SLC22A2: variants seen among roughly 807,000 people sequenced by gnomAD.
The protein encoded by SLC22A2 is organic cation transporter 2.
SLC22A2 carries 46 observed loss-of-function variants against 60.5 expected under a neutral mutation model. The ratio of observed to expected loss-of-function variants is 0.76; its 90% CI spans 0.60 to 0.97. The LOEUF is 0.97. SLC22A2 is among the 50% of genes least tolerant of loss of function. SLC22A2 has a pLI of 0.00. For missense variants in SLC22A2, 701 were observed against 706.6 expected, an observed-to-expected ratio of 0.99 and a Z score of 0.09; for synonymous variants, 303 against 267.0, an observed-to-expected ratio of 1.13 and a Z score of -1.31.
intron 3 of SLC22A2, 96 bp from the exon 4 acceptor site, chr6:160,249,480 G>T: frequency 5.5e-6 from 5 of 905,400 alleles, no homozygotes; most frequent in Non-Finnish European, 5.3e-6. Context: ...CAAAAATATA[G>T]ACAAATTCTA....
At position 160,241,466 on chromosome 6, in the gene SLC22A2, T is replaced by C. The variant is rs889041097; in HGVS notation, c.1501+8A>G. On this transcript the variant is annotated splice_region_variant and intron_variant, in intron 9 of 10. Transcript: ENST00000366953. ...TTTCACTTAAAGACATCTGTGAAGA[T>C]TTCTTACCGAAAACCATCAGCGGGA... 1 of 1,589,216 alleles carries C rather than the reference T, an allele frequency of 6.3e-7. No homozygotes were observed. Among genetic ancestry groups the C allele is most frequent in the Non-Finnish European group, 8.6e-7 (1 of 1,157,510 alleles).
In SLC22A2 at chr6:160,228,234, G is replaced by C. The variant is rs76830081; in HGVS notation, c.1502-3430C>G. 3.3e-3 allele frequency among the ~76,000 whole-genome samples: 507 copies of C among 152,286 alleles called. 2 individuals carry two copies. The highest frequency in any genetic ancestry group is 0.01 in the African/African-American group (436 of 41,552). On this transcript the variant is annotated intron_variant, in intron 9 of 10. Coordinates refer to ENST00000366953, the MANE Select transcript of SLC22A2 (RefSeq NM_003058.4). ...ACATCTTTCTGGTGAACCCTGAAGG[G>C]AGGATACTGAGGAGACCTCCCCTCC... is the stretch of plus-strand genomic sequence containing the variant.
At chr6:160,225,578 T>A (rs1782709885) in intron 9 of SLC22A2, among the ~76,000 whole-genome samples, 1 of 152,148 alleles carries the variant, frequency 6.6e-6, no homozygotes, top group Non-Finnish European at 1.5e-5. Flanking sequence ...TCTGGCCCCT[T>A]ACATACTGGT....
chr6:160,244,981 C>T (rs1783066876), intron 6 of SLC22A2: 2 of 152,214 alleles, frequency 1.3e-5, no homozygotes, highest in African/African-American at 4.8e-5. Context: ...AAAAGGCAAT[C>T]CCCCCACAAC....
intron 7 of SLC22A2, 122 bp from the exon 8 acceptor site, chr6:160,242,524 ACTT>A (rs1286407398): frequency 3.0e-6 from 2 of 668,832 alleles, no homozygotes; most frequent in South Asian, 1.7e-5. Context: ...AAGAAAAATG[ACTT>A]CTTCTATAGG....
chr6:160,249,969 A>G (rs776835158), intron 3 of SLC22A2, among the ~76,000 whole-genome samples: 83 of 152,328 alleles, frequency 5.4e-4, no homozygotes, highest in Admixed American at 3.9e-4. Context: ...ATATTGCTAT[A>G]AAGATGCTAT....
At chr6:160,250,924 C>T (rs1406091444) in intron 2 of SLC22A2, among the ~76,000 whole-genome samples, 1 of 152,148 alleles carries the variant, frequency 6.6e-6, no homozygotes, top group Non-Finnish European at 1.5e-5. Flanking sequence ...GCATGATAAG[C>T]CCCATTCACC....
intron 10 of SLC22A2, among the ~76,000 whole-genome samples, chr6:160,220,007 A>T (rs1460214851): frequency 1.3e-5 from 2 of 152,166 alleles, no homozygotes; most frequent in Non-Finnish European, 2.9e-5. Flanking sequence ...GGCTGTTGAA[A>T]CTTCTTAAAA....
intron 10 of SLC22A2, among the ~76,000 whole-genome samples, chr6:160,221,481 T>C (rs1782643491): frequency 6.6e-6 from 1 of 152,212 alleles, no homozygotes; most frequent in South Asian, 2.1e-4. Context: ...TCAAGAACTT[T>C]TCCTGTGCAT....
chr6:160,235,748 A>G lies in SLC22A2; in HGVS notation c.1501+5726T>C, dbSNP rs142662470. Among the ~76,000 whole-genome samples, 7 of 152,110 alleles carry G rather than the reference A, an allele frequency of 4.6e-5. No individual in the cohort carries two copies. The South Asian group carries it at 1.2e-3, about 27-fold the overall frequency. The stretch of plus-strand genomic sequence containing the variant: ...AAAGAGTTATAAAAGGTTTATGAGA[A>G]TCCTACCTTATGGTCAAACATTAAA... On this transcript the variant is annotated intron_variant, in intron 9 of 10. Coordinates refer to ENST00000366953, the MANE Select transcript of SLC22A2 (RefSeq NM_003058.4).
At chr6:160,238,202 A>G (rs372957898) in intron 9 of SLC22A2, among the ~76,000 whole-genome samples, 3 of 152,180 alleles carry the variant, frequency 2.0e-5, no homozygotes, top group African/African-American at 7.2e-5. Context: ...CTGGATTGGG[A>G]CCCCTTTCTG....
chr6:160,258,290 G>A, intron 1 of SLC22A2, 54 bp downstream of exon 1: 3 of 1,532,710 alleles, frequency 2.0e-6, no homozygotes, highest in Non-Finnish European at 2.6e-6. Context: ...TTGCTTCCTT[G>A]AGAAAATCTC....
intron 9 of SLC22A2, among the ~76,000 whole-genome samples, chr6:160,226,620 T>C (rs929885513): frequency 1.3e-5 from 2 of 152,200 alleles, no homozygotes; most frequent in African/African-American, 2.4e-5. Context: ...ACCCTGTGGT[T>C]GTGTTGGAAT....
chr6:160,242,236 T>C (rs954577723), intron 8 of SLC22A2, 58 bp downstream of exon 8: 3 of 931,582 alleles, frequency 3.2e-6, no homozygotes, highest in Non-Finnish European at 3.6e-6. Flanking sequence ...TTGTGGTGGT[T>C]CCAGCCAATG....
At position 160,243,648 on chromosome 6, in the gene SLC22A2, G is replaced by T; in HGVS notation, c.1203C>A (p.Ile401=). The change falls in exon 7 of 11, where the codon ATC becomes ATA. Residue 401 remains isoleucine (I), a synonymous_variant. Transcript: ENST00000366953. ...ATGCAGCCCAAGGGTAACGGCGTCC[G>T]ATGCGGTCGATGGTGAGGATGATCA... ...AFMIILTIDR[I]GRRYPWAASN... is the part of the protein sequence containing the mutation. 6.2e-7 allele frequency: 1 copy of T among 1,614,020 alleles called. No homozygotes were observed. Among genetic ancestry groups the T allele is most frequent in the Non-Finnish European group, 8.5e-7 (1 of 1,179,954 alleles).
Position 160,258,525 on chromosome 6 carries a change from G to T in SLC22A2, c.233C>A (p.Pro78Gln), listed in dbSNP as rs1270581848. 1 of 1,614,142 alleles carries T rather than the reference G, an allele frequency of 6.2e-7. No individual in the cohort carries two copies. The highest frequency in any genetic ancestry group is 8.5e-7 in the Non-Finnish European group (1 of 1,180,004). Residue 78 changes from proline to glutamine, a missense_variant, in exon 1 of 11, where the codon CCA becomes CAA. By Grantham distance (76) the Pro-to-Gln change is moderately conservative (BLOSUM62 -1). Transcript: ENST00000366953. ...TGGGGAGGCTTCGCCCGCAGGTCCT[G>T]GGCCCGGCACCGTGTAGTTCAGTTC... ...AEELNYTVPG[P>Q]GPAGEASPRQ... is the part of the protein sequence containing the mutation.
rs9364550 is a variant in SLC22A2, at chr6:160,242,749, G to T, written c.1280-347C>A. 3.7e-3 allele frequency among the ~76,000 whole-genome samples: 555 copies of T among 151,908 alleles called. 20 individuals are homozygous for T. The East Asian group carries it at 0.089, about 24-fold the overall frequency. On this transcript the variant is annotated intron_variant, in intron 7 of 10. Transcript: ENST00000366953. ...CATCATCGACATTCTCCACAGAGTG[G>T]TATGTTTGTTACTTGATGAACCTTC...
At chr6:160,229,847 A>C (rs1782790277) in intron 9 of SLC22A2, among the ~76,000 whole-genome samples, 1 of 151,756 alleles carries the variant, frequency 6.6e-6, no homozygotes, top group Non-Finnish European at 1.5e-5. Flanking sequence ...ACCCCAATAC[A>C]AACTCGACAG....
chr6:160,241,833 AAG>A (rs898541824), intron 8 of SLC22A2, among the ~76,000 whole-genome samples: 2 of 152,022 alleles, frequency 1.3e-5, no homozygotes, highest in African/African-American at 2.4e-5. Context: ...TAAAATGTTC[AAG>A]AGTTTAAAAA....
Sources: gnomAD v4.1 joint callset for allele counts (sites outside exome capture counted in the v4.1 genomes callset) on GRCh38, gnomAD v4.1.1 for gene constraint, MANE v1.5 for transcripts, NCBI Gene and HGNC (gene_info 2026-07-23, HGNC 2026-07-21) for gene names.